The following ADCY1 variants were observed in gnomAD, a reference collection of about 807,000 sequenced individuals.
ADCY1 encodes the protein adenylate cyclase 1.
ADCY1 carries 28 observed loss-of-function variants against 105.4 expected under a neutral mutation model. That is an observed-to-expected ratio of 0.27 (90% CI 0.20 to 0.36). The LOEUF is 0.36. ADCY1 is among the 10% of genes least tolerant of loss of function. The pLI is 1.00. For missense variants in ADCY1, 977 were observed against 1,434.2 expected (o/e 0.68, Z 5.15); for synonymous variants, 655 against 623.8 (o/e 1.05, Z -0.75).
chr7:45,645,030 A>G (rs1346105909), intron 4 of ADCY1, among the ~76,000 whole-genome samples: 2 of 152,096 alleles, frequency 1.3e-5, no homozygotes, highest in Non-Finnish European at 2.9e-5. Flanking sequence ...ATGTGCACAC[A>G]TGTGTGTATG....
intron 4 of ADCY1, among the ~76,000 whole-genome samples, chr7:45,629,169 G>A (rs562943997): frequency 6.6e-6 from 1 of 152,094 alleles, no homozygotes; most frequent in Admixed American, 6.5e-5. Flanking sequence ...CAAATAAGTT[G>A]GAATTTTCTA....
chr7:45,677,682 A>G (rs1170663556), intron 8 of ADCY1, among the ~76,000 whole-genome samples, 187 bp from the exon 9 acceptor site: 1 of 152,136 alleles, frequency 6.6e-6, no homozygotes, highest in East Asian at 1.9e-4. Flanking sequence ...TGGGAACCCC[A>G]ACACTGGCTG....
intron 5 of ADCY1, among the ~76,000 whole-genome samples, chr7:45,652,155 T>C (rs892942481): frequency 5.9e-5 from 9 of 152,042 alleles, no homozygotes; most frequent in African/African-American, 2.2e-4. Flanking sequence ...CCAGATCTCG[T>C]GAGAATTCAC....
In ADCY1 at chr7:45,703,225, C is replaced by T; in HGVS notation, c.2455-151C>T. The T allele has an allele frequency of 2.7e-6, 2 of 745,264 alleles. No individual in the cohort carries two copies. The highest frequency in any genetic ancestry group is 4.8e-6 in the Non-Finnish European group (2 of 412,888). 46.2% of individuals were successfully genotyped at this position (745,264 alleles called of 1,614,324 possible). Reference sequence around the variant, plus strand: ...CCCTACCCAGTAACATGGATCTAGTCTTGCATCTAGTGGGGAGGAGGGACA... The same window carrying T: ...CCCTACCCAGTAACATGGATCTAGTTTTGCATCTAGTGGGGAGGAGGGACA... On this transcript the variant is annotated intron_variant, in intron 14 of 19. Coordinates refer to ENST00000297323, the MANE Select transcript of ADCY1 (RefSeq NM_021116.4). The surrounding 1 kb of genome is among the most constrained non-coding windows in gnomAD (Gnocchi z 5.9).
chr7:45,670,338 T>A (rs1784341395), intron 8 of ADCY1, among the ~76,000 whole-genome samples: 1 of 152,218 alleles, frequency 6.6e-6, no homozygotes, highest in Admixed American at 6.5e-5. Context: ...AGGACTGTGA[T>A]TTATGACTGT....
intron 1 of ADCY1, among the ~76,000 whole-genome samples, chr7:45,592,407 C>A (rs1316591872): frequency 1.3e-5 from 2 of 152,206 alleles, no homozygotes; most frequent in African/African-American, 4.8e-5. Flanking sequence ...GATTAGTGCC[C>A]ACCCCGATGG....
At chr7:45,574,140 G>C (rs897326587), upstream of ADCY1, 1 of 985,270 alleles carries the variant, frequency 1.0e-6, no homozygotes, top group Non-Finnish European at 1.2e-6. The surrounding 1 kb of genome is among the most constrained non-coding windows in gnomAD (Gnocchi z 7.0). Context: ...AAGAGGGTGG[G>C]TTCCACTGTG....
chr7:45,698,544 A>C (rs1052953046), intron 14 of ADCY1, among the ~76,000 whole-genome samples: 1 of 152,156 alleles, frequency 6.6e-6, no homozygotes, highest in African/African-American at 2.4e-5. Flanking sequence ...CACCTGTTGC[A>C]TTGGCAGGAC....
At position 45,686,735 on chromosome 7, in the gene ADCY1, C is replaced by T; in HGVS notation, c.2454+62C>T. On this transcript the variant is annotated intron_variant, in intron 14 of 19. Coordinates refer to ENST00000297323, the MANE Select transcript of ADCY1 (RefSeq NM_021116.4). This position sits in a 1 kb window ranked among gnomAD's most constrained non-coding sequence, Gnocchi z 4.3. ...ATTTAGAGGAGGAAGAAGTCTTCAG[C>T]AAGCATCTGACGGGGGCTGCCACAG... The T allele has an allele frequency of 6.5e-7, 1 of 1,545,434 alleles. No individual in the cohort carries two copies. Among genetic ancestry groups the T allele is most frequent in the Non-Finnish European group, 8.7e-7 (1 of 1,143,866 alleles).
chr7:45,712,810 T>C (rs1785287890), intron 19 of ADCY1, among the ~76,000 whole-genome samples: 1 of 152,208 alleles, frequency 6.6e-6, no homozygotes, highest in Admixed American at 6.5e-5. Flanking sequence ...CAGGACTCAT[T>C]GCATTTAGTA....
intron 4 of ADCY1, among the ~76,000 whole-genome samples, chr7:45,625,715 T>C (rs1285766183): frequency 8.0e-6 from 1 of 125,578 alleles, no homozygotes; most frequent in Non-Finnish European, 1.8e-5. Context: ...TGTATATGCA[T>C]GTATGTGCCT....
rs949242793 is a variant in ADCY1, at chr7:45,615,909, G to C, written c.908+5412G>C. ...AATATTAAAAAATCTACAAAACCAA[G>C]AGTTGCTTTGTGAAACATTAAATAA... On this transcript the variant is annotated intron_variant, in intron 3 of 19. Transcript: ENST00000297323. Among the ~76,000 whole-genome samples the C allele has an allele frequency of 4.6e-5, 7 of 151,990 alleles. No homozygotes were observed. The East Asian group carries it at 1.3e-3, about 29-fold the overall frequency.
chr7:45,601,230 G>C (rs1035141237), intron 2 of ADCY1, among the ~76,000 whole-genome samples: 3 of 152,132 alleles, frequency 2.0e-5, no homozygotes, highest in African/African-American at 7.2e-5. Context: ...GTCCCTTCCT[G>C]CTGGGTTTCC....
In ADCY1 at chr7:45,697,458, T is replaced by C. The variant is rs1290999776; in HGVS notation, c.2455-5918T>C. Among the ~76,000 whole-genome samples, 4 of 150,392 alleles carry C rather than the reference T, an allele frequency of 2.7e-5. No homozygotes were observed. In the South Asian group the frequency reaches 6.4e-4, roughly 24 times the overall value. ...CAGGTTGGAGTGCAATGGCACGATC[T>C]TGGCTCACCACAACCTCTCCCTCCC... On this transcript the variant is annotated intron_variant, in intron 14 of 19. Transcript: ENST00000297323.
intron 3 of ADCY1, among the ~76,000 whole-genome samples, chr7:45,619,606 G>C (rs1290314538): frequency 6.6e-6 from 1 of 152,112 alleles, no homozygotes; most frequent in Admixed American, 6.5e-5. Flanking sequence ...AATATGTATG[G>C]AGCTGGAGGA....
At chr7:45,711,724 CAT>C (rs1042761278) in intron 19 of ADCY1, among the ~76,000 whole-genome samples, 30 of 134,858 alleles carry the variant, frequency 2.2e-4, no homozygotes, top group African/African-American at 5.2e-4. Flanking sequence ...TGTGTATATA[CAT>C]ATATGTGTGT....
In ADCY1 at chr7:45,610,290, G is replaced by A. The variant is rs529358211; in HGVS notation, c.790-89G>A. The stretch of plus-strand genomic sequence containing the variant: ...GACGTGGGCCTACCCAGGCTCAGGG[G>A]CCCGGCGCCCTTACTGGGGAGGGTG... On this transcript the variant is annotated intron_variant, in intron 2 of 19. Transcript: ENST00000297323. 5 of 1,189,244 alleles carry A rather than the reference G, an allele frequency of 4.2e-6. No homozygotes were observed. In the East Asian group the frequency reaches 7.0e-5, roughly 17 times the overall value. The allele number at this position is 1,189,244 out of a possible 1,614,324, so 73.7% of individuals were successfully genotyped here.
intron 11 of ADCY1, among the ~76,000 whole-genome samples, chr7:45,682,393 G>A (rs753737621): frequency 2.0e-5 from 3 of 152,156 alleles, no homozygotes; most frequent in Non-Finnish European, 4.4e-5. Context: ...GGTTTGCATG[G>A]CTAGGCCTGG....
At chr7:45,606,625 TC>T (rs529044336) in intron 2 of ADCY1, among the ~76,000 whole-genome samples, 48 of 152,324 alleles carry the variant, frequency 3.2e-4, no homozygotes, top group African/African-American at 1.1e-3. Context: ...ATGTGTAACA[TC>T]CAGGACTTTC....
Sources: gnomAD v4.1 joint callset for allele counts (sites outside exome capture counted in the v4.1 genomes callset) on GRCh38, gnomAD v4.1.1 for gene constraint, Gnocchi (gnomAD v3.1) non-coding constraint, MANE v1.5 for transcripts, NCBI Gene and HGNC (gene_info 2026-07-23, HGNC 2026-07-21) for gene names.